The following TBC1D1 variants were observed in gnomAD, a reference collection of about 807,000 sequenced individuals.
TBC1D1 encodes TBC1 (tre-2/USP6, BUB2, cdc16) domain family, member 1.
In TBC1D1, 89 loss-of-function variants were observed where a neutral mutation model predicts 125.6. The observed-to-expected ratio is 0.71, with a 90% CI of 0.60 to 0.85. The LOEUF (loss-of-function observed/expected upper bound fraction) is 0.85. Among genes scored for constraint, TBC1D1 ranks in the 40% least tolerant of loss-of-function variants. TBC1D1 has a pLI of 0.00. For synonymous variants in TBC1D1, 565 were observed against 564.1 expected, an observed-to-expected ratio of 1.00 and a Z score of -0.02; for missense variants, 1,377 against 1,469.2, an observed-to-expected ratio of 0.94 and a Z score of 1.03.
chr4:38,059,793 C>G (rs1283481781), intron 12 of TBC1D1, among the ~76,000 whole-genome samples: 2 of 152,100 alleles, frequency 1.3e-5, no homozygotes, highest in African/African-American at 4.8e-5. Context: ...AAACGTGTGC[C>G]ATGGTGGTTT....
intron 2 of TBC1D1, among the ~76,000 whole-genome samples, chr4:37,986,880 C>G (rs1381703053): frequency 6.6e-6 from 1 of 152,154 alleles, no homozygotes; most frequent in African/African-American, 2.4e-5. Flanking sequence ...TCTCTGCAGC[C>G]TGGTAGGACC....
rs1204484722 is a variant in TBC1D1, at chr4:38,049,655, C to T, written c.1667C>T (p.Ser556Phe). The T allele has an allele frequency of 1.9e-6, 3 of 1,613,438 alleles. No homozygotes were observed. In the Admixed American group the frequency reaches 5.0e-5, roughly 27 times the overall value. ...TGTGAAAAGGAGGCCTTGCCCATCT[C>T]TGAGAGCTCCTTTAAGCTCCTCGGC... Residue 556 changes from serine to phenylalanine, a missense_variant, in exon 11 of 20, where the codon TCT becomes TTT. By Grantham distance (155) the Ser-to-Phe change is radical. Transcript: ENST00000261439.
At chr4:38,133,451 T>C (rs1400139878) in intron 19 of TBC1D1, among the ~76,000 whole-genome samples, 194 bp downstream of exon 21, 2 of 152,210 alleles carry the variant, frequency 1.3e-5, no homozygotes, top group East Asian at 1.9e-4. Context: ...TGTCCTTTGC[T>C]AAGGTCAGGC....
chr4:38,118,572 G>T (rs1345486235), intron 17 of TBC1D1: 2 of 168,120 alleles, frequency 1.2e-5, no homozygotes, highest in African/African-American at 2.4e-5. Flanking sequence ...GCTGACTGTG[G>T]GCCTCTGGGC....
At chr4:38,096,571 T>C (rs1759377543) in intron 14 of TBC1D1, among the ~76,000 whole-genome samples, 1 of 152,176 alleles carries the variant, frequency 6.6e-6, no homozygotes, top group African/African-American at 2.4e-5. Flanking sequence ...AAGATGTGGG[T>C]GCTGACAGTG....
At chr4:37,972,209 G>T (rs1354621061) in intron 2 of TBC1D1, among the ~76,000 whole-genome samples, 3 of 138,698 alleles carry the variant, frequency 2.2e-5, no homozygotes, top group African/African-American at 7.9e-5. Flanking sequence ...CTGGCTGGGT[G>T]CGGTGGTTCA....
intron 15 of TBC1D1, chr4:38,111,848 A>G: frequency 1.4e-6 from 1 of 739,594 alleles, no homozygotes; most frequent in Non-Finnish European, 1.7e-6. Context: ...ACAAAGTCAG[A>G]TGGGTGCAGT....
rs373170569 is a variant in TBC1D1 at position 37,960,763 on chromosome 4, C to T, written c.418-53746C>T. On this transcript the variant is annotated intron_variant, in intron 2 of 19. Coordinates refer to ENST00000261439, the MANE Select transcript of TBC1D1 (RefSeq NM_015173.4). ...AGTTCTGTTCCTGCCTCAGATGACG[C>T]CTATCCAGAAATAGAAAAATTCTTT... is the stretch of plus-strand genomic sequence containing the variant. The T allele has an allele frequency of 1.3e-5, 21 of 1,613,984 alleles. No individual in the cohort carries two copies. Among genetic ancestry groups the T allele is most frequent in the East Asian group, 2.2e-5 (1 of 44,896 alleles).
At chr4:38,035,916 T>C (rs1259991312) in intron 8 of TBC1D1, among the ~76,000 whole-genome samples, 1 of 152,202 alleles carries the variant, frequency 6.6e-6, no homozygotes, top group African/African-American at 2.4e-5. Context: ...GCAGAACAGT[T>C]GCTCTAATAA....
intron 6 of TBC1D1, among the ~76,000 whole-genome samples, chr4:38,025,430 G>A (rs1744880572): frequency 6.6e-6 from 1 of 152,184 alleles, no homozygotes; most frequent in African/African-American, 2.4e-5. Context: ...GGAGGAACTC[G>A]GACCTAGGCG....
At chr4:37,973,347 C>A (rs1055323332) in intron 2 of TBC1D1, among the ~76,000 whole-genome samples, 2 of 152,184 alleles carry the variant, frequency 1.3e-5, no homozygotes, top group Admixed American at 6.5e-5. Context: ...ATTTCACCTG[C>A]CTGCATACGT....
At chr4:38,003,868 CAAAAA>C (rs5857592) in intron 2 of TBC1D1, among the ~76,000 whole-genome samples, 7 of 125,402 alleles carry the variant, frequency 5.6e-5, no homozygotes, top group Non-Finnish European at 7.0e-5. Context: ...GACCCTGTCT[CAAAAA>C]AAAAAAAAAA....
At chr4:37,912,792 A>G (rs373648586) in intron 2 of TBC1D1, among the ~76,000 whole-genome samples, 2 of 152,302 alleles carry the variant, frequency 1.3e-5, no homozygotes, top group East Asian at 3.9e-4. Flanking sequence ...CCAGACACCA[A>G]TCCTACCTGA....
intron 13 of TBC1D1, among the ~76,000 whole-genome samples, chr4:38,094,788 C>G (rs1759042997): frequency 6.7e-6 from 1 of 149,690 alleles, no homozygotes; most frequent in African/African-American, 2.5e-5. Flanking sequence ...CCGCCAGTTG[C>G]AGTGCAGCAA....
At position 37,960,929 on chromosome 4, in the gene TBC1D1, AC is replaced by A. The variant is rs1560535284; in HGVS notation, c.418-53578del. 3 of 1,613,888 alleles carry A rather than the reference AC, an allele frequency of 1.9e-6. No homozygotes were observed. In the African/African-American group the frequency reaches 4.0e-5, roughly 22 times the overall value. On this transcript the variant is annotated intron_variant, in intron 2 of 19. Transcript: ENST00000261439. ...AGCTGTTTCAGCTGGGCCCCCCTTC[AC>A]CTGTGAAAATGCCCTCTCCACCATG...
intron 2 of TBC1D1, among the ~76,000 whole-genome samples, chr4:37,935,648 G>C (rs963603586): frequency 7.9e-5 from 12 of 152,126 alleles, no homozygotes; most frequent in African/African-American, 2.9e-4. Context: ...CCAGCGTCCA[G>C]AGCGATCTTT....
chr4:38,112,567 A>C (rs1013487026), intron 15 of TBC1D1, among the ~76,000 whole-genome samples: 3 of 152,230 alleles, frequency 2.0e-5, no homozygotes, highest in African/African-American at 7.2e-5. Context: ...AAAAAGAGGA[A>C]GCTAAGGTTC....
intron 2 of TBC1D1, among the ~76,000 whole-genome samples, chr4:37,954,997 A>G (rs1056309377): frequency 1.4e-5 from 2 of 146,708 alleles, no homozygotes; most frequent in Admixed American, 1.4e-4. Flanking sequence ...AAACCTATGT[A>G]TTTAACACAT....
intron 14 of TBC1D1, among the ~76,000 whole-genome samples, chr4:38,099,789 C>A (rs1759989477): frequency 6.6e-6 from 1 of 152,136 alleles, no homozygotes; most frequent in Non-Finnish European, 1.5e-5. Flanking sequence ...GCATTCCAGG[C>A]CATTCTTAGC....
Sources: allele counts gnomAD v4.1 joint callset (sites outside exome capture counted in the v4.1 genomes callset), GRCh38; gene constraint gnomAD v4.1.1; transcripts MANE v1.5; gene names NCBI Gene and HGNC (gene_info 2026-07-23, HGNC 2026-07-21).